The following NTRK2 variants were observed in gnomAD, a reference collection of about 807,000 sequenced individuals.
The protein encoded by NTRK2 is neurotrophic receptor tyrosine kinase 2, also known as BDNF/NT-3 growth factors receptor.
A neutral mutation model predicts 94.5 loss-of-function variants in NTRK2; 13 were observed. That is an observed-to-expected ratio of 0.14 (90% CI 0.09 to 0.22). NTRK2 has a LOEUF of 0.22. Among genes scored for constraint, NTRK2 ranks in the 10% least tolerant of loss-of-function variants. The pLI, the probability that NTRK2 is intolerant of heterozygous loss-of-function variation, is 1.00. For synonymous variants in NTRK2, 372 were observed against 407.4 expected (o/e 0.91, Z 1.05); for missense variants, 639 against 1,071.2 (o/e 0.60, Z 5.63).
At position 85,023,639 on chromosome 9, in the gene NTRK2, T is replaced by G. The variant is rs960420193; in HGVS notation, c.*2202T>G. On this transcript the variant is annotated 3_prime_UTR_variant, in exon 19 of 19. Transcript: ENST00000277120. Reference sequence around the variant, plus strand: ...ATAATAACATAATGAAAGCCATATCTCCATGATATATATGTGCACATATAT... The same window carrying G: ...ATAATAACATAATGAAAGCCATATCGCCATGATATATATGTGCACATATAT... The G allele has an allele frequency of 1.3e-5, 3 of 227,524 alleles. No individual in the cohort carries two copies. The highest frequency in any genetic ancestry group is 6.7e-5 in the African/African-American group (3 of 44,982). The allele number at this position is 227,524 out of a possible 1,614,324, so 14.1% of individuals were successfully genotyped here. A position where few individuals can be genotyped will look rare whatever the true frequency, so the allele number is the denominator to read the frequency against.
rs1833011852 is a variant in NTRK2 at position 85,025,972 on chromosome 9, G to A, written c.*4535G>A. On this transcript the variant is annotated 3_prime_UTR_variant, in exon 19 of 19. Coordinates refer to ENST00000277120, the MANE Select transcript of NTRK2 (RefSeq NM_006180.6). The stretch of plus-strand genomic sequence containing the variant: ...AGGAAGGGGTATTTTCTTGTTGTCA[G>A]GGCTGGAATGAATCACTGCTGCTCA... 1 of 232,610 alleles carries A rather than the reference G, an allele frequency of 4.3e-6. No homozygotes were observed. The highest frequency in any genetic ancestry group is 8.5e-6 in the Non-Finnish European group (1 of 117,760). The allele number at this position is 232,610 out of a possible 1,614,324, so 14.4% of individuals were successfully genotyped here.
chr9:84,730,416 G>A (rs1252410845), intron 9 of NTRK2, among the ~76,000 whole-genome samples: 1 of 152,010 alleles, frequency 6.6e-6, no homozygotes, highest in Non-Finnish European at 1.5e-5. Context: ...TCTTAGAATT[G>A]CTTCCTTTCT....
intron 17 of NTRK2, among the ~76,000 whole-genome samples, chr9:84,986,312 A>G (rs1828291819): frequency 1.3e-5 from 2 of 152,180 alleles, no homozygotes; most frequent in Non-Finnish European, 2.9e-5. Flanking sequence ...TTCCATGGAC[A>G]GGGGTTGTGA....
At chr9:84,871,745 C>A (rs1490175416) in intron 14 of NTRK2, 4 of 1,561,678 alleles carry the variant, frequency 2.6e-6, no homozygotes, top group Non-Finnish European at 3.5e-6. Context: ...GGCTGAATTC[C>A]TCCCGAGCAC....
At chr9:84,812,319 C>A in intron 12 of NTRK2, 1 of 1,057,764 alleles carries the variant, frequency 9.5e-7, no homozygotes, top group Non-Finnish European at 1.1e-6. Flanking sequence ...CTATGGATTG[C>A]AGCATTTCAC....
chr9:85,004,091 A>AAAGGAAGGGAGGAAGGGAGTGAGG (rs1564542412), intron 17 of NTRK2, among the ~76,000 whole-genome samples: 2 of 94,264 alleles, frequency 2.1e-5, no homozygotes, highest in African/African-American at 4.0e-5. Context: ...AGGGAGAGAG[A>AAAGGAAGGGAGGAAGGGAGTGAGG]AAGGAAGGGA....
chr9:84,880,476 G>T (rs773813618), intron 14 of NTRK2, among the ~76,000 whole-genome samples: 46 of 152,132 alleles, frequency 3.0e-4, no homozygotes, highest in African/African-American at 1.1e-3. Context: ...TCTACAACTC[G>T]TTCCTTCATT....
chr9:85,007,656 G>C (rs1831119281), intron 17 of NTRK2, among the ~76,000 whole-genome samples: 1 of 152,176 alleles, frequency 6.6e-6, no homozygotes, highest in Non-Finnish European at 1.5e-5. Flanking sequence ...ACATCTTAGA[G>C]TATTCCATAA....
chr9:84,976,040 G>C (rs1482955011), intron 17 of NTRK2, among the ~76,000 whole-genome samples: 1 of 152,158 alleles, frequency 6.6e-6, no homozygotes, highest in Non-Finnish European at 1.5e-5. Flanking sequence ...GCTAGCCTAT[G>C]ATGACTCCAC....
At chr9:84,906,543 C>A (rs1367716830) in intron 14 of NTRK2, among the ~76,000 whole-genome samples, 1 of 152,218 alleles carries the variant, frequency 6.6e-6, no homozygotes, top group Non-Finnish European at 1.5e-5. Context: ...TGGAGAGTGA[C>A]TGAGAACACT....
chr9:84,814,689 A>G, intron 12 of NTRK2: 1 of 1,064,696 alleles, frequency 9.4e-7, no homozygotes, highest in Non-Finnish European at 1.1e-6. Flanking sequence ...ACACTACACT[A>G]GAAGTTTATT....
chr9:85,026,042 T>C lies in NTRK2; in HGVS notation c.*4605T>C. ...TCCTTAGTTTTTGCATTTCCCCTCC[T>C]TTTCCTTTGACCTTTATTTATTTAA... On this transcript the variant is annotated 3_prime_UTR_variant, in exon 19 of 19. Coordinates refer to ENST00000277120, the MANE Select transcript of NTRK2 (RefSeq NM_006180.6). 4.4e-6 allele frequency: 1 copy of C among 229,608 alleles called. No homozygotes were observed. The highest frequency in any genetic ancestry group is 1.3e-3 in the Middle Eastern group (1 of 768). The allele number at this position is 229,608 out of a possible 1,614,324, so 14.2% of individuals were successfully genotyped here. A position where few individuals can be genotyped will look rare whatever the true frequency, so the allele number is the denominator to read the frequency against.
chr9:84,678,193 T>C (rs950895459), intron 2 of NTRK2, among the ~76,000 whole-genome samples: 1 of 152,244 alleles, frequency 6.6e-6, no homozygotes, highest in African/African-American at 2.4e-5. Context: ...TGTGCTTCCC[T>C]AAACCACTAT....
At chr9:84,752,503 T>C (rs2064722827) in intron 12 of NTRK2, among the ~76,000 whole-genome samples, 1 of 152,240 alleles carries the variant, frequency 6.6e-6, no homozygotes, top group Admixed American at 6.5e-5. Flanking sequence ...TTGGTGTTGT[T>C]CCTGCTTTTC....
At chr9:84,749,895 A>G (rs941514199) in intron 11 of NTRK2, among the ~76,000 whole-genome samples, 9 of 152,190 alleles carry the variant, frequency 5.9e-5, no homozygotes, top group African/African-American at 2.2e-4. Context: ...TGCTGCAGTA[A>G]CAAAACCTCC....
chr9:84,969,526 G>T (rs1204422801), intron 17 of NTRK2, among the ~76,000 whole-genome samples: 1 of 152,180 alleles, frequency 6.6e-6, no homozygotes, highest in Non-Finnish European at 1.5e-5. Flanking sequence ...GTTGCATTCA[G>T]CATAGTTATA....
At chr9:84,840,913 G>T (rs539636290) in intron 12 of NTRK2, among the ~76,000 whole-genome samples, 1 of 152,062 alleles carries the variant, frequency 6.6e-6, no homozygotes, top group East Asian at 1.9e-4. Context: ...GGCACCCAGC[G>T]CAGCTTCTTG....
At chr9:84,867,835 CT>C (rs951370296) in intron 14 of NTRK2, among the ~76,000 whole-genome samples, 23 of 152,166 alleles carry the variant, frequency 1.5e-4, no homozygotes, top group Admixed American at 7.2e-4. Context: ...GAAATATGCA[CT>C]CTAGGTAGTT....
At chr9:84,712,038 C>A (rs536395694) in intron 6 of NTRK2, among the ~76,000 whole-genome samples, 63 of 152,078 alleles carry the variant, frequency 4.1e-4, no homozygotes, top group African/African-American at 1.5e-3. Context: ...GAGAAATTGC[C>A]TAGAGGGACA....
Sources: allele counts gnomAD v4.1 joint callset (sites outside exome capture counted in the v4.1 genomes callset), GRCh38; gene constraint gnomAD v4.1.1; transcripts MANE v1.5; gene names NCBI Gene and HGNC (gene_info 2026-07-23, HGNC 2026-07-21).